The following PALLD variants were observed in gnomAD, a reference collection of about 807,000 sequenced individuals.
The protein encoded by PALLD is palladin.
In PALLD, 61 loss-of-function variants were observed where a neutral mutation model predicts 123.5. The observed-to-expected ratio is 0.49, with a 90% CI of 0.40 to 0.61. PALLD has a LOEUF of 0.61. Among genes scored for constraint, PALLD ranks in the 20% least tolerant of loss-of-function variants. The probability of loss-of-function intolerance (pLI) is 0.00; values close to 1 mark genes in which losing one functional copy is unlikely to be tolerated. For synonymous variants in PALLD, 465 were observed against 496.4 expected (o/e 0.94, Z 0.84); for missense variants, 1,273 against 1,377.0 (o/e 0.92, Z 1.20).
At chr4:168,839,823 T>C (rs1745779590) in intron 10 of PALLD, among the ~76,000 whole-genome samples, 1 of 152,134 alleles carries the variant, frequency 6.6e-6, no homozygotes, top group African/African-American at 2.4e-5. Context: ...ATTTAAGCCT[T>C]GGGAGAGGAT....
chr4:168,609,576 G>A (rs1229859777), intron 2 of PALLD, among the ~76,000 whole-genome samples: 1 of 152,152 alleles, frequency 6.6e-6, no homozygotes, highest in Admixed American at 6.5e-5. Flanking sequence ...GGTTCTGGAT[G>A]CCTTCATGCG....
chr4:168,743,823 C>T (rs1309311819), intron 10 of PALLD, among the ~76,000 whole-genome samples: 2 of 152,086 alleles, frequency 1.3e-5, no homozygotes, highest in African/African-American at 2.4e-5. Flanking sequence ...TTAAAAACAT[C>T]CTTCAGGAGA....
chr4:168,711,964 C>A (rs769307779), intron 10 of PALLD, 41 bp downstream of exon 10: 35 of 1,539,402 alleles, frequency 2.3e-5, no homozygotes, highest in Non-Finnish European at 9.0e-7. Context: ...TTCCATACCC[C>A]TGTTACATTT....
chr4:168,689,429 A>ATTT (rs1782397611), intron 6 of PALLD, among the ~76,000 whole-genome samples: 4 of 77,886 alleles, frequency 5.1e-5, no homozygotes, highest in Non-Finnish European at 5.6e-5. Flanking sequence ...TCGATCCAAT[A>ATTT]TTCTTTTTTT....
intron 1 of PALLD, among the ~76,000 whole-genome samples, chr4:168,504,066 C>G (rs189752237): frequency 2.1e-3 from 327 of 152,280 alleles, no homozygotes; most frequent in Admixed American, 0.012. Flanking sequence ...CTAATCCCTC[C>G]TACTGGATTG....
chr4:168,801,499 C>T (rs759299532), intron 10 of PALLD, among the ~76,000 whole-genome samples: 5 of 152,156 alleles, frequency 3.3e-5, no homozygotes, highest in East Asian at 1.9e-4. Flanking sequence ...AGGATGGGCT[C>T]GATCTCCTGA....
chr4:168,595,908 T>A (rs183192199), intron 2 of PALLD, among the ~76,000 whole-genome samples: 70 of 149,942 alleles, frequency 4.7e-4, no homozygotes, highest in Non-Finnish European at 2.5e-4. Flanking sequence ...CCTGCACATG[T>A]AATGTACCTT....
At chr4:168,716,772 T>G (rs1007422597) in intron 10 of PALLD, among the ~76,000 whole-genome samples, 3 of 152,174 alleles carry the variant, frequency 2.0e-5, no homozygotes, top group Non-Finnish European at 2.9e-5. Context: ...TATCATTTCA[T>G]GAGATGATGT....
chr4:168,732,759 CA>C (rs368341717), intron 10 of PALLD, among the ~76,000 whole-genome samples: 45 of 152,274 alleles, frequency 3.0e-4, no homozygotes, highest in South Asian at 2.1e-3. Context: ...TATGACTCAT[CA>C]GAACATTAAA....
chr4:168,574,927 A>G (rs1769392611), intron 2 of PALLD, among the ~76,000 whole-genome samples: 1 of 152,114 alleles, frequency 6.6e-6, no homozygotes, highest in Admixed American at 6.6e-5. Context: ...TCACTTAAAA[A>G]TGAGAGATCA....
At chr4:168,636,085 G>A (rs942120873) in intron 2 of PALLD, among the ~76,000 whole-genome samples, 1 of 152,180 alleles carries the variant, frequency 6.6e-6, no homozygotes, top group African/African-American at 2.4e-5. Flanking sequence ...GGTAGGGCAG[G>A]TGGCGTTATT....
At chr4:168,529,007 T>G in intron 2 of PALLD, among the ~76,000 whole-genome samples, 1 of 151,994 alleles carries the variant, frequency 6.6e-6, no homozygotes, top group East Asian at 1.9e-4. Flanking sequence ...TCCAGATCAG[T>G]GGAAAGGAGG....
chr4:168,893,851 G>C (rs552636379), intron 11 of PALLD, among the ~76,000 whole-genome samples: 1 of 152,200 alleles, frequency 6.6e-6, no homozygotes, highest in African/African-American at 2.4e-5. Context: ...TTGCCTGATG[G>C]GCAAGCAGTC....
chr4:168,811,768 T>TCACACACACACA (rs1201722924), intron 10 of PALLD, among the ~76,000 whole-genome samples: 21 of 109,836 alleles, frequency 1.9e-4, no homozygotes, highest in African/African-American at 6.5e-4. Context: ...TCTCTCTCTC[T>TCACACACACACA]CTCTCTCTCA....
intron 2 of PALLD, among the ~76,000 whole-genome samples, chr4:168,546,628 A>T (rs992368122): frequency 1.3e-5 from 2 of 152,174 alleles, no homozygotes; most frequent in Non-Finnish European, 2.9e-5. Flanking sequence ...AACTTTCCAT[A>T]GGTGCCGAAA....
chr4:168,795,343 G>A (rs1037082736), intron 10 of PALLD, among the ~76,000 whole-genome samples: 4 of 152,116 alleles, frequency 2.6e-5, no homozygotes, highest in African/African-American at 7.2e-5. Context: ...AAATGAAATC[G>A]AAGAGTAGAA....
chr4:168,638,509 C>A (rs1316017164), intron 2 of PALLD, among the ~76,000 whole-genome samples: 1 of 152,184 alleles, frequency 6.6e-6, no homozygotes, highest in Non-Finnish European at 1.5e-5. Context: ...CATCTTAATC[C>A]ATAGTTTAGT....
chr4:168,577,749 G>A (rs982055478), intron 2 of PALLD, among the ~76,000 whole-genome samples: 4 of 147,984 alleles, frequency 2.7e-5, no homozygotes, highest in African/African-American at 1.1e-4. Flanking sequence ...CTGAAAGAAA[G>A]GCTAAATTGA....
intron 17 of PALLD, 119 bp downstream of exon 17, chr4:168,916,146 C>A: frequency 1.0e-6 from 1 of 989,642 alleles, no homozygotes; most frequent in Non-Finnish European, 1.6e-6. Flanking sequence ...GGCACAGTGG[C>A]TCACACCTAT....
Sources: gnomAD v4.1 joint callset for allele counts (sites outside exome capture counted in the v4.1 genomes callset) on GRCh38, gnomAD v4.1.1 for gene constraint, MANE v1.5 for transcripts, NCBI Gene and HGNC (gene_info 2026-07-23, HGNC 2026-07-21) for gene names.